The following CSMD1 variants were observed in gnomAD, a reference collection of about 807,000 sequenced individuals.
The protein encoded by CSMD1 is CUB and Sushi multiple domains 1, also known as CUB and sushi domain-containing protein 1.
A neutral mutation model predicts 417.5 loss-of-function variants in CSMD1; 213 were observed. That is an observed-to-expected ratio of 0.51 (90% CI 0.46 to 0.57). The LOEUF is 0.57. Ranked by LOEUF, CSMD1 falls within the 20% of genes least tolerant of loss-of-function variation. The probability of loss-of-function intolerance (pLI) is 0.00; values close to 1 mark genes in which losing one functional copy is unlikely to be tolerated. For missense variants in CSMD1, 6,923 were observed against 4,529.7 expected (o/e 1.53, Z -15.17); for synonymous variants, 2,862 against 1,736.8 (o/e 1.65, Z -16.11).
intron 62 of CSMD1, among the ~76,000 whole-genome samples, chr8:2,959,122 G>A (rs752254433): frequency 6.6e-6 from 1 of 152,156 alleles, no homozygotes; most frequent in Non-Finnish European, 1.5e-5. Flanking sequence ...TTAAACTTTA[G>A]AGTCAGGGCC....
intron 4 of CSMD1, among the ~76,000 whole-genome samples, chr8:4,023,316 A>C (rs1156890817): frequency 6.6e-6 from 1 of 152,188 alleles, no homozygotes; most frequent in East Asian, 1.9e-4. Context: ...TTGAGCAAAG[A>C]GTATTTCTGT....
At chr8:3,575,222 G>A (rs1020058426) in intron 9 of CSMD1, among the ~76,000 whole-genome samples, 156 bp from the exon 10 acceptor site, 14 of 150,372 alleles carry the variant, frequency 9.3e-5, no homozygotes, top group African/African-American at 3.2e-4. Context: ...ATGGACTCCA[G>A]TCAGCAAGTG....
intron 5 of CSMD1, among the ~76,000 whole-genome samples, chr8:3,951,851 A>C (rs1451831385): frequency 6.6e-6 from 1 of 152,114 alleles, no homozygotes; most frequent in African/African-American, 2.4e-5. Context: ...AGAAAAATTA[A>C]ATACATAACT....
intron 5 of CSMD1, among the ~76,000 whole-genome samples, chr8:3,946,295 G>T (rs954400284): frequency 1.3e-5 from 2 of 152,156 alleles, no homozygotes; most frequent in Admixed American, 1.3e-4. Context: ...CATCTCCTCA[G>T]TGGAAGTGTT....
At chr8:4,088,806 C>G (rs1341972134) in intron 3 of CSMD1, among the ~76,000 whole-genome samples, 2 of 152,118 alleles carry the variant, frequency 1.3e-5, no homozygotes, top group African/African-American at 2.4e-5. Context: ...ACATTGATCC[C>G]TCAGCATGTG....
chr8:4,970,575 A>G (rs143934165), intron 1 of CSMD1, among the ~76,000 whole-genome samples: 7 of 151,636 alleles, frequency 4.6e-5, no homozygotes, highest in African/African-American at 1.7e-4. Flanking sequence ...AATACTAATG[A>G]TCTTGATTTT....
intron 7 of CSMD1, among the ~76,000 whole-genome samples, chr8:3,674,690 C>A (rs1157672740): frequency 6.6e-6 from 1 of 152,042 alleles, no homozygotes; most frequent in Non-Finnish European, 1.5e-5. Context: ...CCAGCAGAGG[C>A]AGAGAATGAG....
At chr8:3,730,159 C>T (rs1252924160) in intron 6 of CSMD1, among the ~76,000 whole-genome samples, 2 of 151,978 alleles carry the variant, frequency 1.3e-5, no homozygotes, top group Non-Finnish European at 2.9e-5. Flanking sequence ...GGCTTCAAGT[C>T]CTTCCATTCC....
intron 7 of CSMD1, among the ~76,000 whole-genome samples, chr8:3,631,273 A>G (rs1040968074): frequency 1.3e-5 from 2 of 152,050 alleles, no homozygotes; most frequent in Admixed American, 6.6e-5. Flanking sequence ...CACCCTTCCA[A>G]CTATCATGTA....
chr8:3,283,297 G>C (rs1396863627), intron 26 of CSMD1, among the ~76,000 whole-genome samples: 2 of 152,146 alleles, frequency 1.3e-5, no homozygotes, highest in African/African-American at 2.4e-5. Context: ...GAAAGTGTCA[G>C]ACTGGGGCAT....
At position 4,182,002 on chromosome 8, in the gene CSMD1, G is replaced by T. The variant is rs150756948; in HGVS notation, c.416-149903C>A. Among the ~76,000 whole-genome samples the T allele has an allele frequency of 8.0e-5, 12 of 149,640 alleles. 1 individual carries two copies. Among genetic ancestry groups the T allele is most frequent in the African/African-American group, 2.7e-4 (11 of 40,784 alleles). On this transcript the variant is annotated intron_variant, in intron 3 of 69. Transcript: ENST00000635120. ...GTGTGTGTAATGTTTACATTTTTAAGTACACAGAAACTCATACACACCCGT... is the reference window on the plus strand; with the variant it reads ...GTGTGTGTAATGTTTACATTTTTAATTACACAGAAACTCATACACACCCGT...
intron 9 of CSMD1, among the ~76,000 whole-genome samples, chr8:3,577,628 C>A (rs1437755967): frequency 6.6e-6 from 1 of 152,130 alleles, no homozygotes; most frequent in African/African-American, 2.4e-5. Context: ...ATTAGCATAG[C>A]TTCTGAATAG....
At chr8:4,335,220 T>C (rs937189800) in intron 3 of CSMD1, among the ~76,000 whole-genome samples, 1 of 152,070 alleles carries the variant, frequency 6.6e-6, no homozygotes, top group African/African-American at 2.4e-5. Flanking sequence ...CTCTTTTCTA[T>C]GGATACTGAT....
At chr8:3,550,678 A>T (rs1048876498) in intron 10 of CSMD1, among the ~76,000 whole-genome samples, 4 of 152,028 alleles carry the variant, frequency 2.6e-5, no homozygotes, top group African/African-American at 7.2e-5. Flanking sequence ...CTGCTATGAC[A>T]CCTGAAATCT....
intron 7 of CSMD1, among the ~76,000 whole-genome samples, chr8:3,665,994 T>A (rs1231315652): frequency 1.3e-5 from 2 of 152,104 alleles, no homozygotes; most frequent in Admixed American, 1.3e-4. Flanking sequence ...TTTCCTGCCT[T>A]AGCCTCCTCC....
Position 3,917,806 on chromosome 8 carries a change from G to C in CSMD1, c.818+80097C>G, listed in dbSNP as rs562040812. Among the ~76,000 whole-genome samples, 16 of 152,104 alleles carry C rather than the reference G, an allele frequency of 1.1e-4. 2 individuals are homozygous for C. The South Asian group carries it at 2.3e-3, about 22-fold the overall frequency. On this transcript the variant is annotated intron_variant, in intron 5 of 69. Coordinates refer to ENST00000635120, the MANE Select transcript of CSMD1 (RefSeq NM_033225.6). ...ACACCTATTATTAGTTTTGCCATTA[G>C]CAATATTAGTTGTGTGTATGCGGTA...
At chr8:3,994,557 G>C (rs188488593) in intron 5 of CSMD1, among the ~76,000 whole-genome samples, 1 of 151,460 alleles carries the variant, frequency 6.6e-6, no homozygotes, top group Non-Finnish European at 1.5e-5. Context: ...ACTCAAAATG[G>C]CAACTCTCTG....
At chr8:3,155,359 A>ATTTTTTTTGTTTTTTTTTTTTTT (rs1819454230) in intron 39 of CSMD1, among the ~76,000 whole-genome samples, 1 of 43,316 alleles carries the variant, frequency 2.3e-5, no homozygotes, top group Non-Finnish European at 4.7e-5. Flanking sequence ...CAAGGCTGGG[A>ATTTTTTTTGTTTTTTTTTTTTTT]TTTTTTTTTT....
intron 3 of CSMD1, among the ~76,000 whole-genome samples, chr8:4,400,840 T>A (rs889710099): frequency 6.6e-6 from 1 of 151,768 alleles, no homozygotes; most frequent in Non-Finnish European, 1.5e-5. Flanking sequence ...TTGAAGAACA[T>A]TTTTTATTTA....
Sources: gnomAD v4.1 joint callset for allele counts (sites outside exome capture counted in the v4.1 genomes callset) on GRCh38, gnomAD v4.1.1 for gene constraint, MANE v1.5 for transcripts, NCBI Gene and HGNC (gene_info 2026-07-23, HGNC 2026-07-21) for gene names.